The following PTCSC3 variants were observed in gnomAD, a reference collection of about 807,000 sequenced individuals.
The protein encoded by PTCSC3 is papillary thyroid carcinoma susceptibility candidate 3 (non-protein coding).
chr14:36,141,833 A>T (rs751158673), intron 3 of PTCSC3, among the ~76,000 whole-genome samples: 1 of 152,138 alleles, frequency 6.6e-6, no homozygotes, highest in Non-Finnish European at 1.5e-5. Flanking sequence ...TCAAATTCCA[A>T]TTGTTTATTG....
intron 1 of PTCSC3, among the ~76,000 whole-genome samples, chr14:36,163,339 T>C (rs137886192): frequency 1.4e-4 from 22 of 152,168 alleles, no homozygotes; most frequent in African/African-American, 4.8e-4. Context: ...CAAGGTACAA[T>C]ATTTTTTACC....
At chr14:36,138,537 A>C (rs1881339612) in intron 3 of PTCSC3, among the ~76,000 whole-genome samples, 1 of 152,246 alleles carries the variant, frequency 6.6e-6, no homozygotes, top group Non-Finnish European at 1.5e-5. Flanking sequence ...AATTTTAGAC[A>C]GTTCACAAAA....
chr14:36,155,534 A>G (rs1259167480), intron 2 of PTCSC3, among the ~76,000 whole-genome samples: 2 of 152,056 alleles, frequency 1.3e-5, no homozygotes, highest in Admixed American at 6.6e-5. Flanking sequence ...AATCATTTGC[A>G]GCATAAGAGA....
intron 1 of PTCSC3, among the ~76,000 whole-genome samples, chr14:36,164,660 A>G (rs1044820597): frequency 3.9e-5 from 6 of 152,168 alleles, no homozygotes; most frequent in Non-Finnish European, 5.9e-5. Flanking sequence ...ATAGACAGAT[A>G]ATTTGAAAAC....
intron 1 of PTCSC3, among the ~76,000 whole-genome samples, chr14:36,174,456 GATC>G (rs1882246814): frequency 6.6e-6 from 1 of 152,038 alleles, no homozygotes; most frequent in Non-Finnish European, 1.5e-5. Flanking sequence ...TACTCATTAA[GATC>G]ATATTTTTGA....
intron 3 of PTCSC3, among the ~76,000 whole-genome samples, chr14:36,148,134 C>T (rs1162109523): frequency 6.6e-6 from 1 of 151,982 alleles, no homozygotes. Context: ...GTGCCCTGCC[C>T]CCAGAGATGG....
chr14:36,154,547 A>G (rs1048921460), intron 2 of PTCSC3, among the ~76,000 whole-genome samples: 13 of 152,158 alleles, frequency 8.5e-5, no homozygotes, highest in African/African-American at 3.1e-4. Context: ...ATTACTTACT[A>G]TCACTCTAGG....
chr14:36,150,996 C>A (rs1473606584), intron 3 of PTCSC3, among the ~76,000 whole-genome samples: 1 of 152,098 alleles, frequency 6.6e-6, no homozygotes. Context: ...CATGTAAATG[C>A]AAGTTTCTCA....
chr14:36,171,359 C>A (rs1882188998), intron 1 of PTCSC3, among the ~76,000 whole-genome samples: 2 of 152,096 alleles, frequency 1.3e-5, no homozygotes, highest in Non-Finnish European at 2.9e-5. Flanking sequence ...CTACACATTT[C>A]CTACTTTTCA....
intron 3 of PTCSC3, among the ~76,000 whole-genome samples, chr14:36,140,319 C>A (rs903603741): frequency 6.6e-6 from 1 of 152,102 alleles, no homozygotes; most frequent in Non-Finnish European, 1.5e-5. Flanking sequence ...TTTTGTGTGG[C>A]CATAATACCA....
intron 1 of PTCSC3, among the ~76,000 whole-genome samples, chr14:36,163,061 T>C (rs1282548509): frequency 3.3e-5 from 5 of 150,828 alleles, no homozygotes; most frequent in African/African-American, 1.2e-4. Context: ...GCAAGAGTAC[T>C]TGTCTCAGGT....
At chr14:36,148,371 C>T (rs370736210) in intron 3 of PTCSC3, among the ~76,000 whole-genome samples, 2,720 of 152,222 alleles carry the variant, frequency 0.018, 80 homozygotes, top group African/African-American at 0.059. Context: ...CGTGGTGCGC[C>T]GTTTTTTAAG....
chr14:36,160,127 T>A (rs1881922963), intron 2 of PTCSC3, among the ~76,000 whole-genome samples: 2 of 152,184 alleles, frequency 1.3e-5, no homozygotes, highest in African/African-American at 2.4e-5. Context: ...TGTCTTTGCA[T>A]GTGTGATGAG....
chr14:36,161,446 T>C (rs1881954898), intron 2 of PTCSC3, among the ~76,000 whole-genome samples: 1 of 152,208 alleles, frequency 6.6e-6, no homozygotes, highest in African/African-American at 2.4e-5. Flanking sequence ...ATGCTATTTC[T>C]TTCTGTTTGT....
At chr14:36,156,748 C>A (rs1280857684) in intron 2 of PTCSC3, among the ~76,000 whole-genome samples, 2 of 152,042 alleles carry the variant, frequency 1.3e-5, no homozygotes, top group African/African-American at 2.4e-5. Flanking sequence ...TGAACTCATC[C>A]CTTTTTATGG....
At chr14:36,149,244 A>C (rs1007802390) in intron 3 of PTCSC3, among the ~76,000 whole-genome samples, 1 of 151,876 alleles carries the variant, frequency 6.6e-6, no homozygotes, top group African/African-American at 2.4e-5. Context: ...TCTTTGACCC[A>C]TGTGTTATTT....
At chr14:36,156,613 T>A (rs1881832084) in intron 2 of PTCSC3, among the ~76,000 whole-genome samples, 1 of 152,134 alleles carries the variant, frequency 6.6e-6, no homozygotes, top group Admixed American at 6.5e-5. Context: ...CCTCCCTGTG[T>A]CCATGTGTTC....
rs58223160 is a variant in PTCSC3 at position 36,162,258 on chromosome 14, GAAA to G, written n.231+363_231+365del. Among the ~76,000 whole-genome samples, 99 of 106,538 alleles carry G rather than the reference GAAA, an allele frequency of 9.3e-4. 1 individual carries two copies. The highest frequency in any genetic ancestry group is 4.5e-3 in the African/African-American group (93 of 20,766). 69.9% of individuals were successfully genotyped at this position (106,538 alleles called of 152,430 possible). ...GCGTTCCAGGAGCTGCTGGGGTATG[GAAA>G]AAAAAAAAAAAAAAAAAAAAAAAAC... On this transcript the variant is annotated intron_variant and non_coding_transcript_variant, in intron 2 of 3. Coordinates refer to ENST00000556013, the Ensembl canonical transcript of PTCSC3.
intron 3 of PTCSC3, among the ~76,000 whole-genome samples, chr14:36,149,534 C>T (rs1566505374): frequency 6.6e-6 from 1 of 152,208 alleles, no homozygotes; most frequent in African/African-American, 2.4e-5. Context: ...TATTCTTACA[C>T]TGATTTTCTG....
Sources: gnomAD v4.1 joint callset for allele counts (sites outside exome capture counted in the v4.1 genomes callset) on GRCh38, gnomAD v4.1.1 for gene constraint, MANE v1.5 for transcripts, NCBI Gene and HGNC (gene_info 2026-07-23, HGNC 2026-07-21) for gene names.